LPCAT3: variants seen among roughly 807,000 people sequenced by gnomAD.
LPCAT3 encodes the protein lysophosphatidylcholine acyltransferase 3.
In LPCAT3, 21 loss-of-function variants were observed where a neutral mutation model predicts 63.4. The observed-to-expected ratio is 0.33, with a 90% CI of 0.23 to 0.48. The LOEUF is 0.48. Among genes scored for constraint, LPCAT3 ranks in the 20% least tolerant of loss-of-function variants. The probability of loss-of-function intolerance (pLI) is 0.99; values close to 1 mark genes in which losing one functional copy is unlikely to be tolerated. For synonymous variants in LPCAT3, 242 were observed against 227.5 expected (o/e 1.06, Z -0.58); for missense variants, 451 against 590.6 (o/e 0.76, Z 2.45).
At chr12:6,985,824 T>A (rs1236108525) in intron 1 of LPCAT3, among the ~76,000 whole-genome samples, 2 of 144,614 alleles carry the variant, frequency 1.4e-5, no homozygotes, top group Non-Finnish European at 3.0e-5. Flanking sequence ...GGCTGGAGAG[T>A]GCAATGGCAC....
intron 1 of LPCAT3, among the ~76,000 whole-genome samples, chr12:7,010,457 C>T (rs782705471): frequency 1.3e-5 from 2 of 152,304 alleles, no homozygotes; most frequent in African/African-American, 4.8e-5. Context: ...ACTCCTGTTG[C>T]CCAGGCTGGT....
At position 6,977,628 on chromosome 12, in the gene LPCAT3, C is replaced by T; in HGVS notation, c.1158G>A (p.Met386Ile). 6.2e-7 allele frequency: 1 copy of T among 1,614,200 alleles called. No individual in the cohort carries two copies. Among genetic ancestry groups the T allele is most frequent in the Non-Finnish European group, 8.5e-7 (1 of 1,180,042 alleles). ...LHSGYLVCFQ[M>I]EFLIVIVERQ... The stretch of plus-strand genomic sequence containing the variant: ...TTTCCACAATAACAATGAGGAATTC[C>T]ATCTGGAAGCAGACCAGGTATCCTG... The change falls in exon 10 of 13, where the codon ATG becomes ATA. Residue 386 changes from methionine (M) to isoleucine (I), a missense_variant. Transcript: ENST00000261407. This position sits in a 1 kb window ranked among gnomAD's most constrained non-coding sequence, Gnocchi z 4.5.
chr12:7,005,410 CA>C (rs1181527491), intron 1 of LPCAT3, among the ~76,000 whole-genome samples: 1 of 152,162 alleles, frequency 6.6e-6, no homozygotes, highest in Non-Finnish European at 1.5e-5. Flanking sequence ...CATTTGTGTA[CA>C]AGTTTTTGTG....
At chr12:6,991,647 A>C (rs1210823406) in intron 1 of LPCAT3, among the ~76,000 whole-genome samples, 3 of 152,194 alleles carry the variant, frequency 2.0e-5, no homozygotes, top group African/African-American at 7.2e-5. Flanking sequence ...AAATATTGTC[A>C]TTTGTTTACC....
rs782316629 is a variant in LPCAT3, at chr12:6,979,512, G to C, written c.745C>G (p.Pro249Ala). ...FYLVGYTLLS[P>A]HITEDYLLTE... is the part of the protein sequence containing the mutation. ...AGGAGATAGTCTTCTGTGATGTGGG[G>C]GCTGAGCAGTGTGTAGCCCACTAGG... The change falls in exon 7 of 13, where the codon CCC becomes GCC. Residue 249 changes from proline to alanine, a missense_variant. Coordinates refer to ENST00000261407, the MANE Select transcript of LPCAT3 (RefSeq NM_005768.6). The C allele has an allele frequency of 2.5e-6, 4 of 1,614,068 alleles. No individual in the cohort carries two copies. The highest frequency in any genetic ancestry group is 3.4e-6 in the Non-Finnish European group (4 of 1,179,934).
At chr12:6,979,148 G>C in intron 7 of LPCAT3, 1 of 368,680 alleles carries the variant, frequency 2.7e-6, no homozygotes, top group Non-Finnish European at 4.9e-6. Context: ...TCAGTCAAGA[G>C]AAGAAAATAG....
intron 1 of LPCAT3, among the ~76,000 whole-genome samples, chr12:7,000,414 C>T (rs1022830716): frequency 6.7e-5 from 10 of 149,672 alleles, no homozygotes; most frequent in African/African-American, 2.4e-4. Flanking sequence ...AGTGACGCCC[C>T]GTCTCTACTA....
In LPCAT3 at chr12:6,977,772, C is replaced by T. The variant is rs1946424554; in HGVS notation, c.1041-27G>A. On this transcript the variant is annotated intron_variant, in intron 9 of 12. Transcript: ENST00000261407. The surrounding 1 kb of genome is among the most constrained non-coding windows in gnomAD (Gnocchi z 4.5). ...TGGAGAAAAGGGTGGGTGGGGCGACCCTCAAACTGACTGGTCCTTGCATCC... is the reference window on the plus strand; with the variant it reads ...TGGAGAAAAGGGTGGGTGGGGCGACTCTCAAACTGACTGGTCCTTGCATCC... The T allele has an allele frequency of 9.3e-6, 15 of 1,613,102 alleles. No homozygotes were observed. In the East Asian group the frequency reaches 3.3e-4, roughly 36 times the overall value.
At chr12:6,980,476 C>T (rs1036466643) in intron 6 of LPCAT3, among the ~76,000 whole-genome samples, 2 of 152,100 alleles carry the variant, frequency 1.3e-5, no homozygotes, top group African/African-American at 4.8e-5. Context: ...CCACTTCAGC[C>T]TCCTATGTAG....
In LPCAT3 at chr12:6,977,533, GGGA is replaced by G. The variant is rs1262131408; in HGVS notation, c.1189-11_1189-9del. ...TTGAATGAGCCTGGCAGCCTGGGGA[GGGA>G]GGAGGAGCTCATCAGCATCTTGTCC... On this transcript the variant is annotated splice_polypyrimidine_tract_variant and intron_variant, in intron 10 of 12. Transcript: ENST00000261407. The surrounding 1 kb of genome is among the most constrained non-coding windows in gnomAD (Gnocchi z 4.5). 1 of 1,614,170 alleles carries G rather than the reference GGGA, an allele frequency of 6.2e-7. No homozygotes were observed. Among genetic ancestry groups the G allele is most frequent in the Non-Finnish European group, 8.5e-7 (1 of 1,180,032 alleles).
At chr12:7,003,459 T>G (rs1418647584) in intron 1 of LPCAT3, among the ~76,000 whole-genome samples, 1 of 152,134 alleles carries the variant, frequency 6.6e-6, no homozygotes, top group Non-Finnish European at 1.5e-5. Flanking sequence ...TGGTTTTCAA[T>G]GTTCACTTAT....
At chr12:6,980,840 A>G in intron 6 of LPCAT3, 164 bp downstream of exon 6, 1 of 538,012 alleles carries the variant, frequency 1.9e-6, no homozygotes, top group Non-Finnish European at 3.2e-6. Context: ...ACCCTAAACT[A>G]AAAAGGGCCC....
chr12:6,978,589 A>G lies in LPCAT3; in HGVS notation c.873+14T>C, dbSNP rs1555153638. The G allele has an allele frequency of 1.9e-6, 3 of 1,614,060 alleles. No homozygotes were observed. Among genetic ancestry groups the G allele is most frequent in the Admixed American group, 1.7e-5 (1 of 60,004 alleles). ...CTTGTCTAAATAGGACCTTGTTTCA[A>G]CTTTTCTACTTACTGTGACCAGCCA... On this transcript the variant is annotated intron_variant, in intron 8 of 12. Transcript: ENST00000261407.
intron 5 of LPCAT3, 81 bp downstream of exon 5, chr12:6,981,514 T>C (rs1946470775): frequency 3.6e-6 from 5 of 1,388,656 alleles, no homozygotes; most frequent in Non-Finnish European, 5.1e-6. Flanking sequence ...GCTCTGGAAT[T>C]TGGGTTCAGT....
At chr12:7,013,146 G>T (rs1946776517) in intron 1 of LPCAT3, among the ~76,000 whole-genome samples, 1 of 152,232 alleles carries the variant, frequency 6.6e-6, no homozygotes, top group Non-Finnish European at 1.5e-5. Context: ...AGTCAGGAAA[G>T]AACTCAGAGG....
At chr12:6,988,557 A>G (rs773614539) in intron 1 of LPCAT3, among the ~76,000 whole-genome samples, 6 of 152,278 alleles carry the variant, frequency 3.9e-5, no homozygotes, top group African/African-American at 7.2e-5. Flanking sequence ...GTGGGAGCCA[A>G]TGCTTAATAT....
At chr12:7,000,199 C>T (rs1946672538) in intron 1 of LPCAT3, among the ~76,000 whole-genome samples, 1 of 151,862 alleles carries the variant, frequency 6.6e-6, no homozygotes, top group Non-Finnish European at 1.5e-5. Flanking sequence ...GGATTATAGG[C>T]GTGAGCCACC....
At chr12:6,990,725 C>A (rs180810106) in intron 1 of LPCAT3, among the ~76,000 whole-genome samples, 1 of 150,652 alleles carries the variant, frequency 6.6e-6, no homozygotes, top group Non-Finnish European at 1.5e-5. Context: ...GAGTTTGAGA[C>A]CATCCTGGCC....
At chr12:6,985,896 T>G (rs1946521029) in intron 1 of LPCAT3, among the ~76,000 whole-genome samples, 1 of 149,538 alleles carries the variant, frequency 6.7e-6, no homozygotes, top group Admixed American at 6.7e-5. Flanking sequence ...TGCTTCAGCC[T>G]CCCAAGTAGC....
Sources: gnomAD v4.1 joint callset for allele counts (sites outside exome capture counted in the v4.1 genomes callset) on GRCh38, gnomAD v4.1.1 for gene constraint, Gnocchi (gnomAD v3.1) non-coding constraint, MANE v1.5 for transcripts, NCBI Gene and HGNC (gene_info 2026-07-23, HGNC 2026-07-21) for gene names.